TSPEAR: variants seen among roughly 807,000 people sequenced by gnomAD.
The protein encoded by TSPEAR is thrombospondin-type laminin G domain and EAR repeat-containing protein.
A neutral mutation model predicts 71.6 loss-of-function variants in TSPEAR; 69 were observed. The ratio of observed to expected loss-of-function variants is 0.96; its 90% CI spans 0.79 to 1.18. The LOEUF (loss-of-function observed/expected upper bound fraction) is 1.18, where lower values mean the gene tolerates loss of function less well. TSPEAR is among the 50% of genes most tolerant of loss of function. The pLI is 0.00. For synonymous variants in TSPEAR, 402 were observed against 387.2 expected, an observed-to-expected ratio of 1.04 and a Z score of -0.45; for missense variants, 971 against 894.9, an observed-to-expected ratio of 1.09 and a Z score of -1.09.
rs587752325 is a variant in TSPEAR at position 44,612,418 on chromosome 21, G to A, written c.83-44413C>T. On this transcript the variant is annotated intron_variant, in intron 1 of 11. Transcript: ENST00000323084. This position sits in a 1 kb window ranked among gnomAD's most constrained non-coding sequence, Gnocchi z 4.1. ...GCTGCCAGCAGTCTAGCTGCCAGCCGGCTTGCTGCACCTCCTCCCCCTGCC... is the reference window on the plus strand; with the variant it reads ...GCTGCCAGCAGTCTAGCTGCCAGCCAGCTTGCTGCACCTCCTCCCCCTGCC... 9.3e-5 allele frequency: 150 copies of A among 1,613,704 alleles called. No homozygotes were observed. In the African/African-American group the frequency reaches 1.5e-3, roughly 16 times the overall value.
rs1227584906 is a variant in TSPEAR at position 44,528,442 on chromosome 21, G to A, written c.922+10C>T. The A allele has an allele frequency of 1.5e-5, 24 of 1,613,462 alleles. No homozygotes were observed. The highest frequency in any genetic ancestry group is 2.0e-5 in the Non-Finnish European group (24 of 1,179,912). On this transcript the variant is annotated intron_variant, in intron 6 of 11. Coordinates refer to ENST00000323084, the MANE Select transcript of TSPEAR (RefSeq NM_144991.3). ...TGCATGCCAACGCCCCGGGTGCAGG[G>A]CTGCCTCACCTGCTAACACGGAGAC...
intron 2 of TSPEAR, among the ~76,000 whole-genome samples, chr21:44,566,831 C>A (rs1269501404): frequency 6.6e-6 from 1 of 152,054 alleles, no homozygotes; most frequent in Non-Finnish European, 1.5e-5. Flanking sequence ...ACAAAATTGA[C>A]CCCCTACCTC....
At chr21:44,678,656 T>A (rs9647235) in intron 1 of TSPEAR, among the ~76,000 whole-genome samples, 1 of 151,990 alleles carries the variant, frequency 6.6e-6, no homozygotes, top group Admixed American at 6.6e-5. Flanking sequence ...AAATAAAAGC[T>A]GTCCCAATTG....
chr21:44,659,351 C>T (rs1985362912), intron 1 of TSPEAR, among the ~76,000 whole-genome samples: 1 of 128,598 alleles, frequency 7.8e-6, no homozygotes, highest in Non-Finnish European at 1.6e-5. Context: ...AGCACTGATA[C>T]ACCCTAAGCA....
chr21:44,511,786 C>T (rs587704383), intron 9 of TSPEAR, among the ~76,000 whole-genome samples: 150 of 152,382 alleles, frequency 9.8e-4, no homozygotes, highest in Admixed American at 2.9e-3. Flanking sequence ...CCTGAAACTC[C>T]CTCTCAGGGA....
chr21:44,598,882 C>G (rs587725345), intron 1 of TSPEAR, among the ~76,000 whole-genome samples: 2 of 152,244 alleles, frequency 1.3e-5, no homozygotes, highest in South Asian at 4.1e-4. Flanking sequence ...CAGTTGTTAT[C>G]CAGAATTGTT....
intron 2 of TSPEAR, among the ~76,000 whole-genome samples, chr21:44,536,020 G>C (rs1325649061): frequency 1.3e-5 from 2 of 152,166 alleles, no homozygotes; most frequent in Admixed American, 1.3e-4. Context: ...TTACCCTCAG[G>C]TTGGGAGACA....
chr21:44,552,374 T>G (rs2146035737), intron 2 of TSPEAR, among the ~76,000 whole-genome samples: 1 of 152,306 alleles, frequency 6.6e-6, no homozygotes, highest in Non-Finnish European at 1.5e-5. Context: ...CAGCATGGCC[T>G]GAAGCTGGTT....
chr21:44,616,186 G>C (rs1362693662), intron 1 of TSPEAR, among the ~76,000 whole-genome samples: 4 of 152,232 alleles, frequency 2.6e-5, no homozygotes, highest in African/African-American at 9.6e-5. Flanking sequence ...TTCGATGCAG[G>C]CAAAGGCAGC....
chr21:44,648,333 G>A (rs980401518), intron 1 of TSPEAR, among the ~76,000 whole-genome samples: 1 of 152,202 alleles, frequency 6.6e-6, no homozygotes, highest in Non-Finnish European at 1.5e-5. Context: ...CTCCTCAGGA[G>A]GCTGGGAGGG....
chr21:44,677,559 G>A lies in TSPEAR; in HGVS notation c.82+33874C>T, dbSNP rs1259079849. ...TCGTTCCCTTATAGAAGATGAGGAT[G>A]CTTCTTCTGAAAGTGCAGGTGTGGG... On this transcript the variant is annotated intron_variant, in intron 1 of 11. Transcript: ENST00000323084. 4 of 889,430 alleles carry A rather than the reference G, an allele frequency of 4.5e-6. No individual in the cohort carries two copies. The African/African-American group carries it at 6.5e-5, about 14-fold the overall frequency. The allele number at this position is 889,430 out of a possible 1,614,324, so 55.1% of individuals were successfully genotyped here.
intron 9 of TSPEAR, chr21:44,510,547 G>A (rs1378057521): frequency 6.6e-6 from 1 of 152,314 alleles, no homozygotes; most frequent in Non-Finnish European, 1.5e-5. Flanking sequence ...TGCTCAGGAC[G>A]GGGCTGCCCA....
At chr21:44,561,022 CA>C (rs587695478) in intron 2 of TSPEAR, among the ~76,000 whole-genome samples, 403 of 151,930 alleles carry the variant, frequency 2.7e-3, no homozygotes, top group African/African-American at 9.1e-3. Flanking sequence ...AAAAACCCTT[CA>C]AAAAAATCAA....
chr21:44,508,480 T>C (rs782089778), intron 10 of TSPEAR: 5 of 1,023,854 alleles, frequency 4.9e-6, no homozygotes, highest in East Asian at 9.0e-5. Context: ...GCTTGACCCA[T>C]GGCCCCTGGC....
At chr21:44,614,053 G>T (rs1221135468) in intron 1 of TSPEAR, among the ~76,000 whole-genome samples, 1 of 152,172 alleles carries the variant, frequency 6.6e-6, no homozygotes, top group Non-Finnish European at 1.5e-5. Flanking sequence ...CCTGCCGTAG[G>T]TCCCTCACCT....
chr21:44,702,697 C>A, intron 1 of TSPEAR: 2 of 1,522,034 alleles, frequency 1.3e-6, no homozygotes, highest in South Asian at 1.1e-5. Flanking sequence ...CTCCTGCCAG[C>A]CCAGCTGCTG....
intron 1 of TSPEAR, chr21:44,702,207 A>C (rs2146330427): frequency 2.5e-6 from 4 of 1,573,860 alleles, no homozygotes; most frequent in East Asian, 2.3e-5. Context: ...CCAGAGGAAC[A>C]AAGGGGCCTC....
chr21:44,677,607 T>A (rs1357431266), intron 1 of TSPEAR: 28 of 1,072,196 alleles, frequency 2.6e-5, no homozygotes, highest in Non-Finnish European at 3.9e-5. Flanking sequence ...AATTGCAGGG[T>A]GATCAGTTTT....
At chr21:44,675,761 A>C (rs1555946797) in intron 1 of TSPEAR, 1 of 518,096 alleles carries the variant, frequency 1.9e-6, no homozygotes, top group East Asian at 3.5e-5. Flanking sequence ...AGTACTTGTA[A>C]GCCTGCTCAT....
Sources: allele counts gnomAD v4.1 joint callset (sites outside exome capture counted in the v4.1 genomes callset), GRCh38; gene constraint gnomAD v4.1.1; non-coding constraint Gnocchi (gnomAD v3.1); transcripts MANE v1.5; gene names NCBI Gene and HGNC (gene_info 2026-07-23, HGNC 2026-07-21).